AFF3: variants seen among roughly 807,000 people sequenced by gnomAD.
AFF3 encodes the protein AF4/FMR2 family member 3.
In AFF3, 32 loss-of-function variants were observed where a neutral mutation model predicts 129.7. The ratio of observed to expected loss-of-function variants is 0.25; its 90% CI spans 0.19 to 0.33. The LOEUF (loss-of-function observed/expected upper bound fraction) is 0.33, where lower values mean the gene tolerates loss of function less well. Ranked by LOEUF, AFF3 falls within the 10% of genes least tolerant of loss-of-function variation. AFF3 has a pLI of 1.00. For missense variants in AFF3, 1,373 were observed against 1,592.0 expected (o/e 0.86, Z 2.34); for synonymous variants, 644 against 635.4 (o/e 1.01, Z -0.20).
chr2:99,597,244 G>A (rs1679379824), intron 14 of AFF3, among the ~76,000 whole-genome samples: 1 of 152,078 alleles, frequency 6.6e-6, no homozygotes, highest in African/African-American at 2.4e-5. Context: ...CGTGAAAGGG[G>A]GACCGCATTC....
At position 100,006,809 on chromosome 2, in the gene AFF3, G is replaced by A. The variant is rs375022351; in HGVS notation, c.696C>T (p.Thr232=). The A allele has an allele frequency of 5.6e-6, 9 of 1,614,066 alleles. No individual in the cohort carries two copies. The highest frequency in any genetic ancestry group is 7.6e-6 in the Non-Finnish European group (9 of 1,180,042). ...GGCCGTCCATTGGCCTCACATACGC[G>A]GTCGGTTTCTGCTGGACCAGGCTGG... The part of the protein sequence containing the change: ...SKPSLVQQKP[T]AYVRPMDGQD... The change falls in exon 7 of 25, where the codon ACC becomes ACT. Residue 232 remains threonine (T), a synonymous_variant. Coordinates refer to ENST00000672756, the MANE Select transcript of AFF3 (RefSeq NM_001386135.1).
At chr2:99,731,810 G>A (rs1679854635) in intron 10 of AFF3, among the ~76,000 whole-genome samples, 1 of 152,196 alleles carries the variant, frequency 6.6e-6, no homozygotes, top group Non-Finnish European at 1.5e-5. Flanking sequence ...TATGTCAAAT[G>A]AATTCTCATT....
intron 2 of AFF3, chr2:100,106,889 G>A (rs1691329015): frequency 1.0e-6 from 1 of 985,380 alleles, no homozygotes; most frequent in Admixed American, 6.1e-5. Context: ...GGAAGGCCCT[G>A]GGATGGTATA....
chr2:99,630,674 A>G (rs1025915495), intron 13 of AFF3: 3 of 156,022 alleles, frequency 1.9e-5, no homozygotes, highest in African/African-American at 7.2e-5. Context: ...AAGGGGAAGC[A>G]AGGCACGTCT....
At chr2:99,709,695 G>A (rs1403612782) in intron 11 of AFF3, among the ~76,000 whole-genome samples, 3 of 152,136 alleles carry the variant, frequency 2.0e-5, no homozygotes, top group Admixed American at 2.0e-4. Flanking sequence ...GAAGCTATAT[G>A]GTTATCAGTT....
In AFF3 at chr2:99,717,885, C is replaced by T. The variant is rs534218291; in HGVS notation, c.1091+9192G>A. On this transcript the variant is annotated intron_variant, in intron 11 of 24. Transcript: ENST00000672756. ...TCTCAATTGTGTGTGGTATGAGATTCATTTTTCCCCTGAGAAGTTGCTCTG... is the reference window on the plus strand; with the variant it reads ...TCTCAATTGTGTGTGGTATGAGATTTATTTTTCCCCTGAGAAGTTGCTCTG... Among the ~76,000 whole-genome samples the T allele has an allele frequency of 1.1e-4, 16 of 152,264 alleles. No individual in the cohort carries two copies. The South Asian group carries it at 2.7e-3, about 26-fold the overall frequency.
At chr2:99,813,010 T>G (rs143283970) in intron 8 of AFF3, among the ~76,000 whole-genome samples, 21 of 152,046 alleles carry the variant, frequency 1.4e-4, no homozygotes, top group African/African-American at 4.8e-4. Context: ...ATTCATTAAG[T>G]GTCAAAATGA....
intron 4 of AFF3, among the ~76,000 whole-genome samples, chr2:100,038,222 G>T (rs528846249): frequency 1.3e-5 from 2 of 151,906 alleles, no homozygotes; most frequent in Admixed American, 6.6e-5. Context: ...TCTAAGCCCC[G>T]CCCGCTTCCC....
intron 11 of AFF3, among the ~76,000 whole-genome samples, chr2:99,702,423 T>G (rs1676954610): frequency 6.6e-6 from 1 of 152,154 alleles, no homozygotes; most frequent in African/African-American, 2.4e-5. Flanking sequence ...CACCACAACC[T>G]CCGCCTCCCA....
rs747727590 is a variant in AFF3, at chr2:99,550,888, G to A, written c.*586C>T. On this transcript the variant is annotated 3_prime_UTR_variant, in exon 25 of 25. Coordinates refer to ENST00000672756, the MANE Select transcript of AFF3 (RefSeq NM_001386135.1). ...GTAACATGCAATCTAGTAAACTTCC[G>A]GCACAAAAATACCTGGCTTATTTTC... 2.8e-5 allele frequency: 7 copies of A among 249,546 alleles called. No homozygotes were observed. Among genetic ancestry groups the A allele is most frequent in the Non-Finnish European group, 3.9e-5 (5 of 129,556 alleles). 15.5% of individuals were successfully genotyped at this position (249,546 alleles called of 1,614,324 possible). A position where few individuals can be genotyped will look rare whatever the true frequency, so the allele number is the denominator to read the frequency against.
At chr2:99,574,180 G>GC (rs761134402) in intron 18 of AFF3, among the ~76,000 whole-genome samples, 3 of 152,108 alleles carry the variant, frequency 2.0e-5, no homozygotes, top group Non-Finnish European at 4.4e-5. Context: ...TTACAGATCC[G>GC]TTTTTTAAAC....
intron 13 of AFF3, among the ~76,000 whole-genome samples, chr2:99,643,471 G>C (rs76291867): frequency 4.9e-3 from 752 of 152,266 alleles, no homozygotes; most frequent in Non-Finnish European, 9.0e-3. Context: ...CATCTTCATG[G>C]AACCTTAACA....
At chr2:99,589,012 C>T (rs1416304056) in intron 15 of AFF3, among the ~76,000 whole-genome samples, 1 of 152,190 alleles carries the variant, frequency 6.6e-6, no homozygotes, top group African/African-American at 2.4e-5. Context: ...TATTTAAACA[C>T]AGAATATTAC....
chr2:99,643,401 C>T (rs767292540), intron 13 of AFF3, among the ~76,000 whole-genome samples: 7 of 151,994 alleles, frequency 4.6e-5, no homozygotes, highest in African/African-American at 9.7e-5. Context: ...TTGGGGAGAC[C>T]GAAGGCTGCT....
intron 4 of AFF3, among the ~76,000 whole-genome samples, chr2:100,058,135 T>TA (rs1171045940): frequency 1.3e-5 from 2 of 152,164 alleles, no homozygotes; most frequent in African/African-American, 2.4e-5. Context: ...ATTTACTGAG[T>TA]AACTAAGATA....
At chr2:99,667,953 G>A (rs1403488619) in intron 12 of AFF3, among the ~76,000 whole-genome samples, 7 of 151,922 alleles carry the variant, frequency 4.6e-5, no homozygotes, top group African/African-American at 9.6e-5. Context: ...TCAGGAGATC[G>A]AGACCATCCT....
chr2:99,605,980 A>G (rs1342639284), intron 13 of AFF3, among the ~76,000 whole-genome samples: 1 of 152,146 alleles, frequency 6.6e-6, no homozygotes, highest in East Asian at 1.9e-4. Flanking sequence ...GAGCCACTGC[A>G]CCCAGCCTAG....
chr2:99,565,699 C>T, intron 19 of AFF3, 76 bp from the exon 20 acceptor site: 1 of 1,503,356 alleles, frequency 6.7e-7, no homozygotes, highest in Non-Finnish European at 9.0e-7. Flanking sequence ...AGTTTATACA[C>T]CTTATTTGAG....
chr2:99,799,655 T>C (rs1377528185), intron 8 of AFF3, among the ~76,000 whole-genome samples: 2 of 152,024 alleles, frequency 1.3e-5, no homozygotes, highest in Non-Finnish European at 2.9e-5. Flanking sequence ...GGTGTTAAAA[T>C]AACCAAAATA....
Sources: allele counts gnomAD v4.1 joint callset (sites outside exome capture counted in the v4.1 genomes callset), GRCh38; gene constraint gnomAD v4.1.1; transcripts MANE v1.5; gene names NCBI Gene and HGNC (gene_info 2026-07-23, HGNC 2026-07-21).